Variants in PAPPA observed in about 807,000 individuals in gnomAD.
The protein encoded by PAPPA is pappalysin 1.
A neutral mutation model predicts 164.0 loss-of-function variants in PAPPA; 60 were observed. The observed-to-expected ratio is 0.37, with a 90% CI of 0.30 to 0.45. The LOEUF (loss-of-function observed/expected upper bound fraction) is 0.45. Among genes scored for constraint, PAPPA ranks in the 20% least tolerant of loss-of-function variants. The pLI, the probability that PAPPA is intolerant of heterozygous loss-of-function variation, is 1.00. For missense variants in PAPPA, 1,782 were observed against 2,087.3 expected, an observed-to-expected ratio of 0.85 and a Z score of 2.85; for synonymous variants, 875 against 814.1, an observed-to-expected ratio of 1.07 and a Z score of -1.27.
chr9:116,252,572 A>G (rs1205257899), intron 7 of PAPPA, among the ~76,000 whole-genome samples: 2 of 152,218 alleles, frequency 1.3e-5, no homozygotes, highest in Admixed American at 6.5e-5. Context: ...CAGGCTATAC[A>G]AAGACTGGAG....
At chr9:116,371,607 A>C (rs1846575305) in intron 19 of PAPPA, among the ~76,000 whole-genome samples, 1 of 151,816 alleles carries the variant, frequency 6.6e-6, no homozygotes, top group Non-Finnish European at 1.5e-5. Flanking sequence ...TCAATTTTTT[A>C]TTTTTATTTT....
chr9:116,338,367 A>G (rs1282615507), intron 13 of PAPPA, among the ~76,000 whole-genome samples: 2 of 152,176 alleles, frequency 1.3e-5, no homozygotes, highest in Non-Finnish European at 2.9e-5. Context: ...TTGGGGGGCA[A>G]CAAGTTCTTC....
intron 10 of PAPPA, among the ~76,000 whole-genome samples, chr9:116,307,524 C>T (rs924982987): frequency 1.3e-5 from 2 of 152,016 alleles, no homozygotes; most frequent in African/African-American, 2.4e-5. Context: ...CGCTTGAACC[C>T]GGTTCAAGCG....
chr9:116,157,304 GAC>G (rs1843615899), intron 1 of PAPPA, among the ~76,000 whole-genome samples: 5 of 152,190 alleles, frequency 3.3e-5, no homozygotes, highest in Admixed American at 3.3e-4. Flanking sequence ...CGCTCGGAGA[GAC>G]AGGGGGAAGG....
At chr9:116,212,235 T>C (rs1844317247) in intron 4 of PAPPA, among the ~76,000 whole-genome samples, 2 of 152,204 alleles carry the variant, frequency 1.3e-5, no homozygotes, top group Admixed American at 1.3e-4. Context: ...CATAAAACTC[T>C]CACATTCTCT....
At chr9:116,170,882 A>G (rs1843768875) in intron 1 of PAPPA, among the ~76,000 whole-genome samples, 1 of 38,668 alleles carries the variant, frequency 2.6e-5, no homozygotes, top group Non-Finnish European at 1.0e-4. Flanking sequence ...TGAGTTCTTA[A>G]AAAAAAAAAA....
At chr9:116,268,846 TG>T (rs945839075) in intron 8 of PAPPA, among the ~76,000 whole-genome samples, 2 of 56,284 alleles carry the variant, frequency 3.6e-5, no homozygotes, top group Non-Finnish European at 6.6e-5. Flanking sequence ...TAAGTAGGGG[TG>T]GGGGGGTAGG....
intron 15 of PAPPA, among the ~76,000 whole-genome samples, chr9:116,348,045 GAT>G (rs1846234212): frequency 6.6e-6 from 1 of 152,160 alleles, no homozygotes; most frequent in African/African-American, 2.4e-5. Flanking sequence ...AAATGATGCA[GAT>G]CCTTCCACTG....
At chr9:116,372,727 G>A (rs778512969) in intron 19 of PAPPA, among the ~76,000 whole-genome samples, 1 of 152,038 alleles carries the variant, frequency 6.6e-6, no homozygotes, top group Non-Finnish European at 1.5e-5. Context: ...AATGGGAGGC[G>A]GAAAGAGAGG....
rs553322990 is a variant in PAPPA at position 116,295,059 on chromosome 9, A to C, written c.2954-7698A>C. Among the ~76,000 whole-genome samples, 11 of 152,264 alleles carry C rather than the reference A, an allele frequency of 7.2e-5. No individual in the cohort carries two copies. In the East Asian group the frequency reaches 1.9e-3, roughly 27 times the overall value. ...AGTGACTAAGAACTCTCATCTCCTC[A>C]TCTACAGGTAGTTTTGTGTATGTTT... On this transcript the variant is annotated intron_variant, in intron 9 of 21. Coordinates refer to ENST00000328252, the MANE Select transcript of PAPPA (RefSeq NM_002581.5).
chr9:116,300,409 C>T (rs1169924077), intron 9 of PAPPA, among the ~76,000 whole-genome samples: 1 of 152,110 alleles, frequency 6.6e-6, no homozygotes, highest in Non-Finnish European at 1.5e-5. Flanking sequence ...TCATGAGTAG[C>T]TGGGACTACA....
intron 7 of PAPPA, among the ~76,000 whole-genome samples, chr9:116,248,522 G>A (rs1467168321): frequency 6.6e-6 from 1 of 152,144 alleles, no homozygotes; most frequent in Non-Finnish European, 1.5e-5. Flanking sequence ...TTTGGGGGCT[G>A]GCCATCTAGA....
chr9:116,383,948 A>G (rs1364089861), intron 21 of PAPPA, among the ~76,000 whole-genome samples: 2 of 152,212 alleles, frequency 1.3e-5, no homozygotes, highest in Non-Finnish European at 2.9e-5. Flanking sequence ...AAAACAAAAG[A>G]ATTCACTTAT....
intron 6 of PAPPA, among the ~76,000 whole-genome samples, chr9:116,234,271 C>T (rs1177312335): frequency 6.6e-6 from 1 of 152,104 alleles, no homozygotes; most frequent in Admixed American, 6.5e-5. Context: ...GCATCATCTC[C>T]CTAGGGAAAG....
chr9:116,159,463 A>G (rs1170351551), intron 1 of PAPPA, among the ~76,000 whole-genome samples: 2 of 152,146 alleles, frequency 1.3e-5, no homozygotes, highest in African/African-American at 2.4e-5. Context: ...AGACTCCTTC[A>G]AATACCTTTC....
chr9:116,250,383 A>G (rs930914912), intron 7 of PAPPA, among the ~76,000 whole-genome samples: 26 of 152,320 alleles, frequency 1.7e-4, no homozygotes, highest in African/African-American at 5.1e-4. Flanking sequence ...TGAAAAGTTT[A>G]GAAACTTCCA....
Position 116,306,794 on chromosome 9 carries a change from AC to A in PAPPA, c.3147+3848del, listed in dbSNP as rs57433364. Among the ~76,000 whole-genome samples the A allele has an allele frequency of 2.9e-3, 446 of 152,218 alleles. 4 individuals are homozygous for A. Among genetic ancestry groups the A allele is most frequent in the African/African-American group, 0.01 (430 of 41,534 alleles). ...TGAGATGTTGATATTCCTTCCTTTT[AC>A]CCCGGCCTCCAGCATTTCTACCAAA... On this transcript the variant is annotated intron_variant, in intron 10 of 21. Coordinates refer to ENST00000328252, the MANE Select transcript of PAPPA (RefSeq NM_002581.5).
chr9:116,232,438 GA>G (rs1480500836), intron 6 of PAPPA, among the ~76,000 whole-genome samples: 2 of 152,162 alleles, frequency 1.3e-5, no homozygotes, highest in Non-Finnish European at 2.9e-5. Flanking sequence ...GTAACACAAT[GA>G]GAAACCCTAT....
chr9:116,189,356 A>C (rs1426523901), intron 2 of PAPPA, among the ~76,000 whole-genome samples: 1 of 152,242 alleles, frequency 6.6e-6, no homozygotes, highest in Non-Finnish European at 1.5e-5. Context: ...ACTGTTTGCT[A>C]TCTATATGTT....
Sources: gnomAD v4.1 joint callset for allele counts (sites outside exome capture counted in the v4.1 genomes callset) on GRCh38, gnomAD v4.1.1 for gene constraint, MANE v1.5 for transcripts, NCBI Gene and HGNC (gene_info 2026-07-23, HGNC 2026-07-21) for gene names.